RNF11: variants seen among roughly 807,000 people sequenced by gnomAD.
RNF11 encodes ring finger protein 11.
In RNF11, 4 loss-of-function variants were observed where a neutral mutation model predicts 15.8. That is an observed-to-expected ratio of 0.25 (90% CI 0.12 to 0.58). RNF11 has a LOEUF of 0.58. Ranked by LOEUF, RNF11 falls within the 20% of genes least tolerant of loss-of-function variation. RNF11 has a pLI of 0.91. For missense variants in RNF11, 139 were observed against 194.4 expected, an observed-to-expected ratio of 0.71 and a Z score of 1.70; for synonymous variants, 68 against 72.3, an observed-to-expected ratio of 0.94 and a Z score of 0.30.
chr1:51,256,917 T>C (rs531374658), intron 1 of RNF11, among the ~76,000 whole-genome samples: 1 of 152,268 alleles, frequency 6.6e-6, no homozygotes, highest in African/African-American at 2.4e-5. Flanking sequence ...CAGGTGATCC[T>C]CCCGCCTTGG....
At chr1:51,255,997 A>G (rs1646902672) in intron 1 of RNF11, among the ~76,000 whole-genome samples, 1 of 152,132 alleles carries the variant, frequency 6.6e-6, no homozygotes, top group South Asian at 2.1e-4. Flanking sequence ...AATTTCTGCA[A>G]ATGAGCCAGC....
intron 1 of RNF11, among the ~76,000 whole-genome samples, chr1:51,264,287 A>ATATAT (rs1248532023): frequency 1.2e-4 from 4 of 32,528 alleles, no homozygotes; most frequent in Non-Finnish European, 1.7e-4. Context: ...AAAAAAAAAA[A>ATATAT]ATATATATAT....
chr1:51,268,026 C>T (rs1006620871), intron 1 of RNF11, among the ~76,000 whole-genome samples: 1 of 152,198 alleles, frequency 6.6e-6, no homozygotes, highest in African/African-American at 2.4e-5. Flanking sequence ...CTACCATGCC[C>T]AGCCATCACA....
intron 1 of RNF11, among the ~76,000 whole-genome samples, chr1:51,262,623 T>C (rs940522547): frequency 2.0e-5 from 3 of 152,108 alleles, no homozygotes; most frequent in Admixed American, 1.3e-4. Context: ...TCTTGGCTTA[T>C]TGCAATGCCA....
chr1:51,251,440 G>A, intron 1 of RNF11: 5 of 794,380 alleles, frequency 6.3e-6, no homozygotes, highest in Non-Finnish European at 1.0e-5. Context: ...GGGCCTCCGG[G>A]CCCCCCCCCG....
At chr1:51,264,285 A>ATATTTAT (rs1454932602) in intron 1 of RNF11, among the ~76,000 whole-genome samples, 1 of 62,374 alleles carries the variant, frequency 1.6e-5, no homozygotes, top group Non-Finnish European at 3.0e-5. Flanking sequence ...AAAAAAAAAA[A>ATATTTAT]AAATATATAT....
intron 1 of RNF11, among the ~76,000 whole-genome samples, chr1:51,252,153 C>T (rs1646881960): frequency 6.6e-6 from 1 of 151,330 alleles, no homozygotes; most frequent in African/African-American, 2.4e-5. Context: ...TTTTCTCTTC[C>T]TTATGATTTT....
Position 51,262,984 on chromosome 1 carries a change from A to G in RNF11, c.124-6972A>G, listed in dbSNP as rs142222937. 5.9e-3 allele frequency among the ~76,000 whole-genome samples: 897 copies of G among 152,300 alleles called. 5 individuals carry two copies. The highest frequency in any genetic ancestry group is 0.02 in the African/African-American group (827 of 41,566). On this transcript the variant is annotated intron_variant, in intron 1 of 2. Transcript: ENST00000242719. ...ATAATAAAAAGATTAAGTTTAAGCAATGCTGTAGAGAAACTGGAACATTCT... is the reference window on the plus strand; with the variant it reads ...ATAATAAAAAGATTAAGTTTAAGCAGTGCTGTAGAGAAACTGGAACATTCT...
intron 1 of RNF11, among the ~76,000 whole-genome samples, chr1:51,258,733 A>G (rs765934625): frequency 4.6e-5 from 7 of 152,094 alleles, no homozygotes; most frequent in Admixed American, 6.5e-5. Flanking sequence ...CTTCTTTTCT[A>G]TTCTCAGTTG....
intron 1 of RNF11, among the ~76,000 whole-genome samples, chr1:51,264,376 ATC>A (rs1399474395): frequency 7.0e-6 from 1 of 143,542 alleles, no homozygotes; most frequent in East Asian, 2.0e-4. Context: ...TAGCTTTTAC[ATC>A]TCTCTGTGTA....
intron 1 of RNF11, among the ~76,000 whole-genome samples, chr1:51,257,561 T>C (rs1557680666): frequency 6.6e-6 from 1 of 152,178 alleles, no homozygotes; most frequent in African/African-American, 2.4e-5. Context: ...ATTCAAGCTA[T>C]TCTTGTGCCT....
intron 1 of RNF11, among the ~76,000 whole-genome samples, chr1:51,248,496 C>T (rs371874097): frequency 1.2e-4 from 18 of 152,098 alleles, no homozygotes; most frequent in African/African-American, 3.9e-4. Context: ...GCCACGGCGC[C>T]CGGCCTCTAG....
At chr1:51,249,929 C>T (rs189589754) in intron 1 of RNF11, among the ~76,000 whole-genome samples, 1 of 152,236 alleles carries the variant, frequency 6.6e-6, no homozygotes. Context: ...TCATTCCTAC[C>T]ACCTAGATTC....
At chr1:51,244,005 A>T (rs1646841333) in intron 1 of RNF11, among the ~76,000 whole-genome samples, 1 of 152,180 alleles carries the variant, frequency 6.6e-6, no homozygotes, top group Non-Finnish European at 1.5e-5. Context: ...CCCAGTTCAA[A>T]TGCCAAGAAT....
intron 1 of RNF11, among the ~76,000 whole-genome samples, chr1:51,245,363 G>A (rs535620892): frequency 8.5e-5 from 13 of 152,064 alleles, no homozygotes; most frequent in Non-Finnish European, 1.6e-4. Flanking sequence ...ATATTGCCCA[G>A]GCTGGTCTCA....
intron 1 of RNF11, among the ~76,000 whole-genome samples, chr1:51,262,878 G>A (rs527334944): frequency 1.3e-5 from 2 of 152,120 alleles, no homozygotes; most frequent in African/African-American, 4.8e-5. Flanking sequence ...GTGTCCAGGA[G>A]ATAACAAAAA....
At chr1:51,259,862 C>T (rs1163260028) in intron 1 of RNF11, among the ~76,000 whole-genome samples, 3 of 152,106 alleles carry the variant, frequency 2.0e-5, no homozygotes, top group African/African-American at 4.8e-5. Flanking sequence ...TAGGAGAAGA[C>T]GTTAGAAAGA....
intron 2 of RNF11, 43 bp from the exon 3 acceptor site, chr1:51,271,108 C>G (rs764472235): frequency 4.5e-6 from 7 of 1,549,178 alleles, no homozygotes; most frequent in Non-Finnish European, 6.2e-6. Flanking sequence ...GAATAGGACA[C>G]TTCTGAAAAT....
chr1:51,248,787 CAG>C (rs1202117620), intron 1 of RNF11, among the ~76,000 whole-genome samples: 1 of 152,090 alleles, frequency 6.6e-6, no homozygotes, highest in Non-Finnish European at 1.5e-5. Flanking sequence ...ATAAAAACAA[CAG>C]AGCTGCCCTG....
Sources: allele counts gnomAD v4.1 joint callset (sites outside exome capture counted in the v4.1 genomes callset), GRCh38; gene constraint gnomAD v4.1.1; transcripts MANE v1.5; gene names NCBI Gene and HGNC (gene_info 2026-07-23, HGNC 2026-07-21).